Variants in PITPNC1 observed in about 807,000 individuals in gnomAD.
PITPNC1 encodes the protein cytoplasmic phosphatidylinositol transfer protein 1.
PITPNC1 carries 18 observed loss-of-function variants against 44.7 expected under a neutral mutation model. That is an observed-to-expected ratio of 0.40 (90% CI 0.28 to 0.60). The LOEUF (loss-of-function observed/expected upper bound fraction) is 0.60, where lower values mean the gene tolerates loss of function less well. Ranked by LOEUF, PITPNC1 falls within the 20% of genes least tolerant of loss-of-function variation. The pLI, the probability that PITPNC1 is intolerant of heterozygous loss-of-function variation, is 0.39. For missense variants in PITPNC1, 290 were observed against 418.4 expected (o/e 0.69, Z 2.68); for synonymous variants, 141 against 149.6 (o/e 0.94, Z 0.42).
chr17:67,638,377 C>CT (rs911771854), intron 6 of PITPNC1: 2 of 152,270 alleles, frequency 1.3e-5, no homozygotes, highest in African/African-American at 4.8e-5. Flanking sequence ...AAGTCCAGTA[C>CT]TTTCTCCTCC....
chr17:67,651,929 G>T (rs2042213653), intron 6 of PITPNC1, among the ~76,000 whole-genome samples: 1 of 152,212 alleles, frequency 6.6e-6, no homozygotes, highest in South Asian at 2.1e-4. Flanking sequence ...AGGGGAATGA[G>T]AATGAGATCT....
At chr17:67,424,333 A>G (rs997566464) in intron 1 of PITPNC1, among the ~76,000 whole-genome samples, 3 of 152,110 alleles carry the variant, frequency 2.0e-5, no homozygotes, top group Non-Finnish European at 4.4e-5. Context: ...TCCAAACTAT[A>G]ACTATGCAAG....
At chr17:67,672,020 C>T (rs1400889856) in intron 7 of PITPNC1, among the ~76,000 whole-genome samples, 2 of 151,916 alleles carry the variant, frequency 1.3e-5, no homozygotes, top group African/African-American at 4.8e-5. Context: ...CTGCAACCTC[C>T]ACCTCCCAGG....
At chr17:67,503,249 T>C (rs1485530900) in intron 1 of PITPNC1, among the ~76,000 whole-genome samples, 1 of 152,142 alleles carries the variant, frequency 6.6e-6, no homozygotes, top group Admixed American at 6.5e-5. Context: ...GTGGGAGTGC[T>C]CCAAGGATTA....
intron 5 of PITPNC1, among the ~76,000 whole-genome samples, chr17:67,590,052 C>G (rs1031039477): frequency 1.3e-5 from 2 of 152,000 alleles, no homozygotes; most frequent in Non-Finnish European, 2.9e-5. Context: ...TGGCTACCTA[C>G]AGTGGGGGTG....
At chr17:67,663,426 C>T (rs1263950367) in intron 6 of PITPNC1, among the ~76,000 whole-genome samples, 6 of 152,042 alleles carry the variant, frequency 3.9e-5, no homozygotes, top group Non-Finnish European at 5.9e-5. Context: ...AAAAATTAGC[C>T]GGGCATGGTG....
At chr17:67,447,232 C>T (rs372117683) in intron 1 of PITPNC1, among the ~76,000 whole-genome samples, 8 of 151,736 alleles carry the variant, frequency 5.3e-5, no homozygotes, top group Admixed American at 2.0e-4. Flanking sequence ...ACCCCTAGCT[C>T]GTTCCTTGGA....
At chr17:67,662,419 A>C (rs1262512740) in intron 6 of PITPNC1, among the ~76,000 whole-genome samples, 1 of 152,110 alleles carries the variant, frequency 6.6e-6, no homozygotes, top group African/African-American at 2.4e-5. Flanking sequence ...GTGCCACTGC[A>C]CTCTAAACAG....
intron 1 of PITPNC1, among the ~76,000 whole-genome samples, chr17:67,400,770 C>T (rs957157682): frequency 1.3e-5 from 2 of 150,060 alleles, no homozygotes; most frequent in East Asian, 1.9e-4. Context: ...CCATTTTAAT[C>T]GATATATATT....
intron 6 of PITPNC1, among the ~76,000 whole-genome samples, chr17:67,650,836 A>G (rs533388527): frequency 1.3e-5 from 2 of 152,298 alleles, no homozygotes; most frequent in African/African-American, 4.8e-5. Flanking sequence ...ATGAGTTTCA[A>G]GTGTTTGTGG....
intron 1 of PITPNC1, among the ~76,000 whole-genome samples, chr17:67,492,266 G>A (rs917953843): frequency 6.6e-6 from 1 of 152,036 alleles, no homozygotes; most frequent in African/African-American, 2.4e-5. Context: ...ATTCAATCAA[G>A]GATCTTGAGA....
intron 1 of PITPNC1, among the ~76,000 whole-genome samples, chr17:67,477,317 A>G (rs1260745118): frequency 7.3e-6 from 1 of 136,704 alleles, no homozygotes; most frequent in Non-Finnish European, 1.5e-5. Flanking sequence ...CACAGTCTTC[A>G]CTCACTGCAA....
chr17:67,623,854 G>A lies in PITPNC1; in HGVS notation c.367-8289G>A, dbSNP rs151244852. ...GATTTATGAAGAGCCACCCTACATC[G>A]TGATCTTGGTGGATTTTATCTAGAG... is the stretch of plus-strand genomic sequence containing the variant. On this transcript the variant is annotated intron_variant, in intron 5 of 8. Transcript: ENST00000581322. 4.4e-3 allele frequency among the ~76,000 whole-genome samples: 670 copies of A among 152,250 alleles called. 14 individuals are homozygous for A. The highest frequency in any genetic ancestry group is 0.014 in the African/African-American group (596 of 41,534).
chr17:67,691,214 G>A (rs750767074), intron 8 of PITPNC1, among the ~76,000 whole-genome samples: 3 of 152,128 alleles, frequency 2.0e-5, no homozygotes, highest in Non-Finnish European at 4.4e-5. Flanking sequence ...AAGGAACTAA[G>A]GAACTGTATT....
Position 67,396,824 on chromosome 17 carries a change from A to T in PITPNC1, c.48+18622A>T, listed in dbSNP as rs1452666277. 8.1e-5 allele frequency among the ~76,000 whole-genome samples: 12 copies of T among 148,274 alleles called. No individual in the cohort carries two copies. The South Asian group carries it at 1.3e-3, about 16-fold the overall frequency. On this transcript the variant is annotated intron_variant, in intron 1 of 8. Coordinates refer to ENST00000581322, the MANE Select transcript of PITPNC1 (RefSeq NM_012417.4). ...TGTGTGCCACTACACTGGGCTAATT[A>T]AAAAAAAAAGTTTAGAGACAGGGTC...
chr17:67,494,543 T>TA, intron 1 of PITPNC1, among the ~76,000 whole-genome samples: 1 of 152,296 alleles, frequency 6.6e-6, no homozygotes, highest in East Asian at 1.9e-4. Context: ...ATAACTTTTA[T>TA]AGATTTATCA....
intron 1 of PITPNC1, among the ~76,000 whole-genome samples, chr17:67,462,225 CTTTTTTTTTT>C (rs549707875): frequency 2.8e-5 from 2 of 71,256 alleles, no homozygotes; most frequent in Non-Finnish European, 5.1e-5. Flanking sequence ...TTCTTTCTTT[CTTTTTTTTTT>C]TTTTTTTTTT....
chr17:67,538,996 A>G (rs1461462976), intron 2 of PITPNC1, among the ~76,000 whole-genome samples: 2 of 152,036 alleles, frequency 1.3e-5, no homozygotes, highest in African/African-American at 4.8e-5. Context: ...CAATAATCCA[A>G]TCAAAAGATG....
Position 67,592,262 on chromosome 17 carries a change from T to A in PITPNC1, c.366+14005T>A, listed in dbSNP as rs187404593. 1.7e-4 allele frequency among the ~76,000 whole-genome samples: 26 copies of A among 152,196 alleles called. No individual in the cohort carries two copies. The East Asian group carries it at 3.5e-3, about 20-fold the overall frequency. ...CCATATATGAGTAATAATTAGAAAA[T>A]ATTAATCCCATCATCAATAGCAACA... On this transcript the variant is annotated intron_variant, in intron 5 of 8. Transcript: ENST00000581322.
Sources: allele counts gnomAD v4.1 joint callset (sites outside exome capture counted in the v4.1 genomes callset), GRCh38; gene constraint gnomAD v4.1.1; transcripts MANE v1.5; gene names NCBI Gene and HGNC (gene_info 2026-07-23, HGNC 2026-07-21).